Variants in ERMARD observed in about 807,000 individuals in gnomAD.
ERMARD encodes ER membrane associated RNA degradation, also known as endoplasmic reticulum membrane-associated RNA degradation protein.
Under a neutral mutation model 83.9 loss-of-function variants are expected in ERMARD, and 71 were observed. The observed-to-expected ratio is 0.85, with a 90% CI of 0.70 to 1.03. The LOEUF is 1.03. Among genes scored for constraint, ERMARD ranks in the 50% least tolerant of loss-of-function variants. The probability of loss-of-function intolerance (pLI) is 0.00; values close to 1 mark genes in which losing one functional copy is unlikely to be tolerated. For synonymous variants in ERMARD, 284 were observed against 298.6 expected (o/e 0.95, Z 0.50); for missense variants, 838 against 810.9 (o/e 1.03, Z -0.41).
intron 5 of ERMARD, among the ~76,000 whole-genome samples, chr6:169,758,103 T>C (rs1791043702): frequency 1.3e-5 from 2 of 152,250 alleles, no homozygotes; most frequent in Non-Finnish European, 2.9e-5. Context: ...GTAGAACTGC[T>C]CTTGATCATT....
chr6:169,764,319 C>T (rs966632294), intron 9 of ERMARD, among the ~76,000 whole-genome samples: 1 of 148,806 alleles, frequency 6.7e-6, no homozygotes, highest in Non-Finnish European at 1.5e-5. Context: ...GGCTGAAGTG[C>T]GGTGGTGCAG....
chr6:169,766,372 A>G (rs1309953295), intron 9 of ERMARD, among the ~76,000 whole-genome samples: 1 of 152,266 alleles, frequency 6.6e-6, no homozygotes, highest in African/African-American at 2.4e-5. Flanking sequence ...GGGATTGTAC[A>G]TTTTAGAGAT....
At chr6:169,759,682 A>G (rs535705649) in intron 6 of ERMARD, among the ~76,000 whole-genome samples, 156 bp from the exon 7 acceptor site, 1 of 152,336 alleles carries the variant, frequency 6.6e-6, no homozygotes, top group Admixed American at 6.5e-5. Flanking sequence ...TCGGCCTCCC[A>G]GAGTTCTGGG....
intron 17 of ERMARD, 98 bp downstream of exon 17, chr6:169,779,393 T>C: frequency 9.5e-7 from 1 of 1,054,780 alleles, no homozygotes; most frequent in Non-Finnish European, 1.5e-6. Context: ...AGTGACACTA[T>C]CCCCTTGGTG....
intron 12 of ERMARD, chr6:169,770,293 C>A (rs1178875630): frequency 6.6e-6 from 1 of 152,060 alleles, no homozygotes; most frequent in Non-Finnish European, 1.5e-5. Context: ...TTGTTGCTAC[C>A]ACATTTTTGC....
At chr6:169,755,546 G>A (rs1285352787) in intron 3 of ERMARD, 124 bp downstream of exon 3, 2 of 1,238,418 alleles carry the variant, frequency 1.6e-6, no homozygotes, top group Non-Finnish European at 2.2e-6. Flanking sequence ...AAGTGTTGAG[G>A]GTTGTAAGAG....
At chr6:169,754,484 C>T (rs1450275876) in intron 2 of ERMARD, among the ~76,000 whole-genome samples, 1 of 152,116 alleles carries the variant, frequency 6.6e-6, no homozygotes, top group African/African-American at 2.4e-5. Flanking sequence ...CATACTCTGG[C>T]CTAGCAGTCC....
intron 1 of ERMARD, 27 bp from the exon 2 acceptor site, chr6:169,753,837 T>A: frequency 6.8e-7 from 1 of 1,481,046 alleles, no homozygotes; most frequent in South Asian, 1.3e-5. Context: ...TGTTAAGCAG[T>A]GCCTTTTATT....
At chr6:169,779,442 C>A in intron 17 of ERMARD, 147 bp downstream of exon 17, 1 of 678,204 alleles carries the variant, frequency 1.5e-6, no homozygotes, top group Non-Finnish European at 2.6e-6. Context: ...GACATCTGGC[C>A]TGCAAGAACT....
intron 5 of ERMARD, 60 bp downstream of exon 5, chr6:169,756,868 GA>G: frequency 6.8e-7 from 1 of 1,461,138 alleles, no homozygotes; most frequent in Non-Finnish European, 9.5e-7. Context: ...TGCTGTTAAA[GA>G]CATACCCAAG....
intron 12 of ERMARD, 50 bp downstream of exon 12, chr6:169,769,763 GAA>G (rs1232408474): frequency 6.8e-7 from 1 of 1,459,960 alleles, no homozygotes; most frequent in East Asian, 2.3e-5. Context: ...ATTCAGCTAT[GAA>G]AATATAGTTT....
chr6:169,774,918 T>C (rs1385061305), intron 13 of ERMARD, among the ~76,000 whole-genome samples: 1 of 152,220 alleles, frequency 6.6e-6, no homozygotes, highest in African/African-American at 2.4e-5. Flanking sequence ...GACATGGCTT[T>C]GGATGCTGCA....
chr6:169,779,320 A>C, intron 17 of ERMARD, 25 bp downstream of exon 17: 1 of 1,589,550 alleles, frequency 6.3e-7, no homozygotes, highest in Non-Finnish European at 8.6e-7. Flanking sequence ...GTATGTCTGC[A>C]GTCACATTGC....
chr6:169,767,937 A>G, intron 10 of ERMARD, 166 bp from the exon 11 acceptor site: 3 of 615,896 alleles, frequency 4.9e-6, no homozygotes, highest in Non-Finnish European at 8.8e-6. Context: ...GGTTAAGAAA[A>G]TATTTCCTGA....
At chr6:169,763,033 C>G (rs773423684) in intron 9 of ERMARD, among the ~76,000 whole-genome samples, 1 of 152,182 alleles carries the variant, frequency 6.6e-6, no homozygotes, top group Non-Finnish European at 1.5e-5. Flanking sequence ...TGTACACACA[C>G]GCGTACACAC....
In ERMARD at chr6:169,781,432, G is replaced by A. The variant is rs774515619; in HGVS notation, c.1956G>A (p.Leu652=). Residue 652 remains leucine (L), a synonymous_variant, in exon 18 of 18, where the codon TTG becomes TTA. Transcript: ENST00000366773. The part of the protein sequence containing the change: ...NETINLTHTA[L]LKMWTFSEKK... ...CTATCAATCTTACACATACAGCTTT[G>A]TTGAAAATGTGGACTTTTAGTGAGA... 1 of 1,612,914 alleles carries A rather than the reference G, an allele frequency of 6.2e-7. No individual in the cohort carries two copies. The highest frequency in any genetic ancestry group is 1.1e-5 in the South Asian group (1 of 90,416).
At chr6:169,756,603 T>C (rs1790849896) in intron 4 of ERMARD, 116 bp from the exon 5 acceptor site, 2 of 979,182 alleles carry the variant, frequency 2.0e-6, no homozygotes, top group East Asian at 2.5e-5. Context: ...AATCAAAGGA[T>C]TGGTGTCTAA....
In ERMARD at chr6:169,753,941, C is replaced by A. The variant is rs778589676; in HGVS notation, c.84C>A (p.Leu28=). The A allele has an allele frequency of 1.1e-5, 18 of 1,613,566 alleles. No homozygotes were observed. Among genetic ancestry groups the A allele is most frequent in the Middle Eastern group, 3.3e-4 (2 of 6,080 alleles). Residue 28 remains leucine (L), a synonymous_variant, in exon 2 of 18, where the codon CTC becomes CTA. Transcript: ENST00000366773. ...YDIICNLGFQ[L]RENCDINSIV... is the part of the protein sequence containing the mutation. ...TAATTTGTAATCTTGGGTTTCAACT[C>A]AGAGAAAATTGTGATATCAATAGCA...
Position 169,754,013 on chromosome 6 carries a change from T to G in ERMARD, c.156T>G (p.Cys52Trp). ...TATGCTGGAAAACAATCACAGACTGTGTGAGCTACACAGAGTCAGGTTTGT... is the reference window on the plus strand; with the variant it reads ...TATGCTGGAAAACAATCACAGACTGGGTGAGCTACACAGAGTCAGGTTTGT... Reference protein sequence around the residue: ...GEVCWKTITDCVSYTESEQGL... With the variant: ...GEVCWKTITDWVSYTESEQGL... Residue 52 changes from cysteine to tryptophan, a missense_variant, in exon 2 of 18, where the codon TGT becomes TGG. By Grantham distance (215) the Cys-to-Trp change is radical. Coordinates refer to ENST00000366773, the MANE Select transcript of ERMARD (RefSeq NM_018341.3). 1 of 1,613,086 alleles carries G rather than the reference T, an allele frequency of 6.2e-7. No homozygotes were observed. The highest frequency in any genetic ancestry group is 8.5e-7 in the Non-Finnish European group (1 of 1,179,388).
Sources: allele counts gnomAD v4.1 joint callset (sites outside exome capture counted in the v4.1 genomes callset), GRCh38; gene constraint gnomAD v4.1.1; transcripts MANE v1.5; gene names NCBI Gene and HGNC (gene_info 2026-07-23, HGNC 2026-07-21).